The following AMY2B variants were observed in gnomAD, a reference collection of about 807,000 sequenced individuals.
AMY2B encodes the protein alpha-amylase 2B.
A neutral mutation model predicts 59.3 loss-of-function variants in AMY2B; 63 were observed. The observed-to-expected ratio is 1.06, with a 90% CI of 0.87 to 1.31. The LOEUF is 1.31. Among genes scored for constraint, AMY2B ranks in the 50% most tolerant of loss-of-function variants. AMY2B has a pLI of 0.00. For missense variants in AMY2B, 635 were observed against 626.7 expected (o/e 1.01, Z -0.14); for synonymous variants, 180 against 198.1 (o/e 0.91, Z 0.77).
In AMY2B at chr1:103,575,295, A is replaced by G. The variant is rs1268879637; in HGVS notation, c.951A>G (p.Gln317=). Residue 317 remains glutamine, a synonymous_variant, in exon 6 of 10, where the codon CAA becomes CAG. Transcript: ENST00000684275. Reference sequence around the variant, plus strand: ...TCTTTGTGGATAACCATGACAATCAACGAGGACATGGGGCTGGAGGAGCCT... The same window carrying G: ...TCTTTGTGGATAACCATGACAATCAGCGAGGACATGGGGCTGGAGGAGCCT... ...ALVFVDNHDN[Q]RGHGAGGASI... is the part of the protein sequence containing the mutation. 3.7e-6 allele frequency: 6 copies of G among 1,613,580 alleles called. No individual in the cohort carries two copies. The South Asian group carries it at 4.4e-5, about 12-fold the overall frequency.
chr1:103,563,992 G>T (rs1431569431), intron 1 of AMY2B, among the ~76,000 whole-genome samples: 1 of 152,094 alleles, frequency 6.6e-6, no homozygotes, highest in Non-Finnish European at 1.5e-5. Context: ...AAGACAGAAT[G>T]GCCAAGTGTT....
intron 1 of AMY2B, among the ~76,000 whole-genome samples, chr1:103,555,723 A>C (rs1422985269): frequency 6.6e-6 from 1 of 152,148 alleles, no homozygotes; most frequent in Non-Finnish European, 1.5e-5. Context: ...TTTGAAGAAG[A>C]ATTTAATATA....
At chr1:103,568,176 T>C (rs1557767748), upstream of AMY2B, among the ~76,000 whole-genome samples, 1 of 152,198 alleles carries the variant, frequency 6.6e-6, no homozygotes, top group Non-Finnish European at 1.5e-5. Flanking sequence ...AAACCTGTCT[T>C]TTTCATAATT....
upstream of AMY2B, chr1:103,571,142 T>C: frequency 2.1e-6 from 2 of 970,842 alleles, no homozygotes; most frequent in Non-Finnish European, 2.6e-6. Context: ...AGGACCCAGT[T>C]TCCTTTCTTA....
intron 1 of AMY2B, among the ~76,000 whole-genome samples, chr1:103,555,885 A>G (rs1651531680): frequency 1.3e-5 from 2 of 152,292 alleles, no homozygotes; most frequent in Admixed American, 6.5e-5. Context: ...GTAGAGAGAA[A>G]AAACATAATG....
At chr1:103,573,373 A>G (rs1317554528) in intron 3 of AMY2B, 113 bp downstream of exon 3, 2 of 1,535,534 alleles carry the variant, frequency 1.3e-6, no homozygotes, top group East Asian at 2.3e-5. Context: ...TTAGGGACAC[A>G]GGTTAACAGG....
At chr1:103,563,013 A>G (rs17014913) in intron 1 of AMY2B, among the ~76,000 whole-genome samples, 21,188 of 151,898 alleles carry the variant, frequency 0.14, 1,813 homozygotes, top group East Asian at 0.24. Flanking sequence ...GGATGTCAAA[A>G]TAGATACCTC....
At chr1:103,569,426 G>GTT (rs1652030280), upstream of AMY2B, 1 of 227,272 alleles carries the variant, frequency 4.4e-6, no homozygotes, top group African/African-American at 2.3e-5. Context: ...GTGTGTGTGT[G>GTT]TGTGTGTACA....
chr1:103,556,651 G>A (rs1354612198), intron 1 of AMY2B, among the ~76,000 whole-genome samples: 1 of 151,766 alleles, frequency 6.6e-6, no homozygotes, highest in African/African-American at 2.4e-5. Flanking sequence ...TAAGTATATA[G>A]TACTTAGTGA....
chr1:103,569,761 C>T (rs1424046248), upstream of AMY2B: 3 of 425,812 alleles, frequency 7.0e-6, no homozygotes, highest in African/African-American at 4.1e-5. Flanking sequence ...GAAGTACCCC[C>T]ATTAAGCATG....
intron 9 of AMY2B, among the ~76,000 whole-genome samples, chr1:103,578,319 G>T (rs1652443678): frequency 6.6e-6 from 1 of 152,022 alleles, no homozygotes; most frequent in African/African-American, 2.4e-5. Flanking sequence ...GTCTCCTTGT[G>T]ACAAATAATA....
At chr1:103,561,390 C>T (rs771383678) in intron 1 of AMY2B, among the ~76,000 whole-genome samples, 6 of 152,088 alleles carry the variant, frequency 3.9e-5, no homozygotes, top group Admixed American at 2.0e-4. Context: ...GCCTCTGCCT[C>T]CTAAGTAGCT....
At chr1:103,558,053 A>G (rs1651616128) in intron 1 of AMY2B, among the ~76,000 whole-genome samples, 1 of 152,196 alleles carries the variant, frequency 6.6e-6, no homozygotes, top group Non-Finnish European at 1.5e-5. Context: ...CTGATCTCAT[A>G]TATGCAATAT....
chr1:103,559,496 G>A (rs1651665936), intron 1 of AMY2B, among the ~76,000 whole-genome samples: 1 of 152,062 alleles, frequency 6.6e-6, no homozygotes, highest in Non-Finnish European at 1.5e-5. Context: ...GCATACCTTT[G>A]GCACTGTCCT....
intron 1 of AMY2B, among the ~76,000 whole-genome samples, chr1:103,558,916 T>A (rs1371258165): frequency 6.6e-6 from 1 of 152,246 alleles, no homozygotes; most frequent in Non-Finnish European, 1.5e-5. Context: ...ATTGAGTTTT[T>A]TTCGTCATTA....
intron 1 of AMY2B, among the ~76,000 whole-genome samples, chr1:103,557,402 G>A (rs576369208): frequency 3.9e-4 from 59 of 152,220 alleles, no homozygotes; most frequent in Non-Finnish European, 7.2e-4. Context: ...TGTAATCCCA[G>A]CACTTTGGGA....
intron 1 of AMY2B, chr1:103,562,085 A>G (rs1557765927): frequency 6.6e-6 from 1 of 152,196 alleles, no homozygotes; most frequent in South Asian, 2.1e-4. Context: ...GATTGAGAGA[A>G]GTTAATGTGG....
chr1:103,557,109 C>T (rs1304151357), intron 1 of AMY2B, among the ~76,000 whole-genome samples: 1 of 151,888 alleles, frequency 6.6e-6, no homozygotes, highest in African/African-American at 2.4e-5. Flanking sequence ...TATAGAGCGT[C>T]CATTTAAAAG....
intron 7 of AMY2B, among the ~76,000 whole-genome samples, chr1:103,576,738 C>A (rs879832209): frequency 1.3e-5 from 2 of 152,184 alleles, no homozygotes. Flanking sequence ...ACGTTCAAGG[C>A]ATTTTCACAT....
Sources: gnomAD v4.1 joint callset for allele counts (sites outside exome capture counted in the v4.1 genomes callset) on GRCh38, gnomAD v4.1.1 for gene constraint, MANE v1.5 for transcripts, NCBI Gene and HGNC (gene_info 2026-07-23, HGNC 2026-07-21) for gene names.